RREB1: variants seen among roughly 807,000 people sequenced by gnomAD.
RREB1 encodes ras-responsive element-binding protein 1.
Under a neutral mutation model 117.8 loss-of-function variants are expected in RREB1, and 27 were observed. That is an observed-to-expected ratio of 0.23 (90% CI 0.17 to 0.32). RREB1 has a LOEUF of 0.32. Ranked by LOEUF, RREB1 falls within the 10% of genes least tolerant of loss-of-function variation. RREB1 has a pLI of 1.00. For missense variants in RREB1, 2,577 were observed against 2,378.2 expected (o/e 1.08, Z -1.74); for synonymous variants, 1,298 against 1,026.7 (o/e 1.26, Z -5.05).
At chr6:7,156,582 G>C (rs1029557825) in intron 1 of RREB1, among the ~76,000 whole-genome samples, 2 of 152,160 alleles carry the variant, frequency 1.3e-5, no homozygotes, top group South Asian at 2.1e-4. Context: ...AGCCATTTTG[G>C]GTTGGACATT....
chr6:7,125,793 A>G (rs1761878590), intron 1 of RREB1, among the ~76,000 whole-genome samples: 1 of 152,084 alleles, frequency 6.6e-6, no homozygotes, highest in South Asian at 2.1e-4. Context: ...TCAAGCAGGA[A>G]GAGCCGTGTG....
intron 6 of RREB1, among the ~76,000 whole-genome samples, chr6:7,195,020 T>C (rs1204262697): frequency 6.6e-6 from 1 of 152,210 alleles, no homozygotes; most frequent in African/African-American, 2.4e-5. Flanking sequence ...CTTGGGGTAG[T>C]GCTTGTTAAA....
intron 1 of RREB1, among the ~76,000 whole-genome samples, chr6:7,152,300 C>G (rs1340245416): frequency 6.6e-6 from 1 of 152,186 alleles, no homozygotes; most frequent in Non-Finnish European, 1.5e-5. Flanking sequence ...CTTGGTCTCT[C>G]TAATTTCTTA....
intron 1 of RREB1, among the ~76,000 whole-genome samples, chr6:7,135,274 T>C (rs1762306534): frequency 6.6e-6 from 1 of 152,236 alleles, no homozygotes; most frequent in African/African-American, 2.4e-5. Flanking sequence ...ATTTTCTTTC[T>C]TTTTAATCAG....
rs1275460468 is a variant in RREB1 at position 7,181,195 on chromosome 6, T to C, written c.-94T>C. On this transcript the variant is annotated 5_prime_UTR_variant, in exon 3 of 13. Transcript: ENST00000379938. ...CTCATTTTCTACTCCGTGTGAATGA[T>C]AGCTACAGCAGGGGAAAGTTTCATA... 4 of 398,624 alleles carry C rather than the reference T, an allele frequency of 1.0e-5. No homozygotes were observed. Among genetic ancestry groups the C allele is most frequent in the East Asian group, 7.1e-5 (2 of 28,098 alleles). The allele number at this position is 398,624 out of a possible 1,614,324, so 24.7% of individuals were successfully genotyped here. A position where few individuals can be genotyped will look rare whatever the true frequency, so the allele number is the denominator to read the frequency against.
intron 1 of RREB1, among the ~76,000 whole-genome samples, chr6:7,148,589 AGTT>A (rs1456705884): frequency 6.6e-6 from 1 of 152,016 alleles, no homozygotes; most frequent in Non-Finnish European, 1.5e-5. Flanking sequence ...GCCTAGTGTA[AGTT>A]GTTCATCGTG....
chr6:7,123,031 C>T (rs550984939), intron 1 of RREB1, among the ~76,000 whole-genome samples: 10 of 152,270 alleles, frequency 6.6e-5, no homozygotes, highest in African/African-American at 1.4e-4. Context: ...TTTGCCTCAC[C>T]GTGGTGTTGC....
At chr6:7,115,661 G>A (rs1020901032) in intron 1 of RREB1, among the ~76,000 whole-genome samples, 12 of 152,212 alleles carry the variant, frequency 7.9e-5, no homozygotes, top group African/African-American at 2.6e-4. Flanking sequence ...CCTGCAGAAC[G>A]CACTCTGCGT....
At chr6:7,221,378 T>C (rs369115311) in intron 8 of RREB1, among the ~76,000 whole-genome samples, 1 of 152,152 alleles carries the variant, frequency 6.6e-6, no homozygotes, top group African/African-American at 2.4e-5. Context: ...TTCACCTTGT[T>C]AGCCAGGATG....
Position 7,230,273 on chromosome 6 carries a change from C to T in RREB1, c.2174C>T (p.Ala725Val). 1.3e-6 allele frequency: 2 copies of T among 1,598,720 alleles called. No individual in the cohort carries two copies. ...CACCTGCGCAAGAAGCACCTCAAGG[C>T]CACCCGCAAGGATATCGAGAAGAAC... ...ERHLRKKHLK[A>V]TRKDIEKNIE... Residue 725 changes from alanine to valine, a missense_variant, in exon 10 of 13, where the codon GCC (alanine) becomes GTC (valine). Coordinates refer to ENST00000379938, the MANE Select transcript of RREB1 (RefSeq NM_001003699.4).
chr6:7,181,767 T>C, intron 3 of RREB1, 103 bp from the exon 4 acceptor site: 1 of 828,554 alleles, frequency 1.2e-6, no homozygotes, highest in Admixed American at 2.0e-5. Flanking sequence ...GCGTTGGATG[T>C]TTTTGACCTG....
chr6:7,198,171 TCTG>T (rs1434095136), intron 6 of RREB1, among the ~76,000 whole-genome samples: 3 of 152,206 alleles, frequency 2.0e-5, no homozygotes, highest in African/African-American at 7.2e-5. Flanking sequence ...GCTTGCTGCT[TCTG>T]AAGGGTGGAG....
At position 7,230,973 on chromosome 6, in the gene RREB1, G is replaced by A. The variant is rs748770118; in HGVS notation, c.2874G>A (p.Lys958=). 3 of 1,614,014 alleles carry A rather than the reference G, an allele frequency of 1.9e-6. No individual in the cohort carries two copies. The highest frequency in any genetic ancestry group is 1.3e-5 in the African/African-American group (1 of 74,942). Residue 958 remains lysine (K), a synonymous_variant, in exon 10 of 13, where the codon AAG becomes AAA. Coordinates refer to ENST00000379938, the MANE Select transcript of RREB1 (RefSeq NM_001003699.4). ...TGGCCACTCCCAGCGAAGCCAAGAA[G>A]CCTGAGGAGGAGGCGGGGAGCAGCG... ...KDLATPSEAK[K]PEEEAGSSEQ...
At chr6:7,139,795 T>G (rs1322320273) in intron 1 of RREB1, among the ~76,000 whole-genome samples, 1 of 152,264 alleles carries the variant, frequency 6.6e-6, no homozygotes, top group Non-Finnish European at 1.5e-5. Flanking sequence ...CATTAGACTT[T>G]GGAAATTTAT....
intron 11 of RREB1, among the ~76,000 whole-genome samples, chr6:7,242,700 A>AGGT (rs1768786269): frequency 1.5e-5 from 2 of 134,834 alleles, no homozygotes; most frequent in African/African-American, 5.7e-5. Flanking sequence ...CTTAAAAAAA[A>AGGT]GGGGGGGGGG....
At chr6:7,154,703 T>C (rs896400055) in intron 1 of RREB1, among the ~76,000 whole-genome samples, 63 of 152,168 alleles carry the variant, frequency 4.1e-4, no homozygotes, top group African/African-American at 1.4e-3. Flanking sequence ...TGCTGGCAAG[T>C]GGTAGAGGCA....
At chr6:7,112,532 G>A (rs1434172864) in intron 1 of RREB1, among the ~76,000 whole-genome samples, 1 of 152,188 alleles carries the variant, frequency 6.6e-6, no homozygotes, top group Non-Finnish European at 1.5e-5. Flanking sequence ...TTTTCAAAGA[G>A]CAAGGGTCAG....
rs551733043 is a variant in RREB1, at chr6:7,165,386, C to A, written c.-284-11269C>A. ...GTCCTTTTTAAACAACATGAAGGTGCCTTTGTCACATGCATTCAAGTAAAT... is the reference window on the plus strand; with the variant it reads ...GTCCTTTTTAAACAACATGAAGGTGACTTTGTCACATGCATTCAAGTAAAT... On this transcript the variant is annotated intron_variant, in intron 1 of 12. Transcript: ENST00000379938. 9.2e-5 allele frequency among the ~76,000 whole-genome samples: 14 copies of A among 152,274 alleles called. No homozygotes were observed. The South Asian group carries it at 2.7e-3, about 29-fold the overall frequency.
chr6:7,207,835 A>G lies in RREB1; in HGVS notation c.426-2969A>G, dbSNP rs1766363732. Among the ~76,000 whole-genome samples, 2 of 152,356 alleles carry G rather than the reference A, an allele frequency of 1.3e-5. 1 individual carries two copies. The highest frequency in any genetic ancestry group is 4.1e-4 in the South Asian group (2 of 4,826). ...GAAGAGCTGCCACGCAGATGAGAAC[A>G]TGGACTGATGTTATAACACAGCATC... On this transcript the variant is annotated intron_variant, in intron 6 of 12. Coordinates refer to ENST00000379938, the MANE Select transcript of RREB1 (RefSeq NM_001003699.4).
Sources: gnomAD v4.1 joint callset for allele counts (sites outside exome capture counted in the v4.1 genomes callset) on GRCh38, gnomAD v4.1.1 for gene constraint, MANE v1.5 for transcripts, NCBI Gene and HGNC (gene_info 2026-07-23, HGNC 2026-07-21) for gene names.